Variants in ATP11A observed in about 807,000 individuals in gnomAD.
ATP11A encodes the protein ATPase phospholipid transporting 11A.
ATP11A carries 81 observed loss-of-function variants against 154.4 expected under a neutral mutation model. The ratio of observed to expected loss-of-function variants is 0.52; its 90% CI spans 0.44 to 0.63. ATP11A has a LOEUF of 0.63. ATP11A is among the 30% of genes least tolerant of loss of function. ATP11A has a pLI of 0.00. For missense variants in ATP11A, 1,316 were observed against 1,474.3 expected, an observed-to-expected ratio of 0.89 and a Z score of 1.76; for synonymous variants, 623 against 585.9, an observed-to-expected ratio of 1.06 and a Z score of -0.91.
In ATP11A at chr13:112,862,464, G is replaced by A; in HGVS notation, c.2880G>A (p.Leu960=). 6.2e-7 allele frequency: 1 copy of A among 1,614,060 alleles called. No homozygotes were observed. Among genetic ancestry groups the A allele is most frequent in the South Asian group, 1.1e-5 (1 of 91,068 alleles). ...LYRDVAKNAL[L]RWRVFIYWTL... ...GGGACGTCGCCAAGAATGCCCTGCT[G>A]CGCTGGCGCGTGTTCATCTACTGGA... Residue 960 remains leucine (L), a synonymous_variant, in exon 25 of 30, where the codon CTG becomes CTA. Transcript: ENST00000375645.
At chr13:112,854,174 G>C in intron 18 of ATP11A, 105 bp from the exon 19 acceptor site, 4 of 1,451,352 alleles carry the variant, frequency 2.8e-6, no homozygotes, top group Non-Finnish European at 3.7e-6. Context: ...GATTTTGAGG[G>C]GCTACGATAT....
intron 2 of ATP11A, among the ~76,000 whole-genome samples, chr13:112,796,947 A>G (rs2078014976): frequency 6.6e-6 from 1 of 152,078 alleles, no homozygotes; most frequent in Non-Finnish European, 1.5e-5. Flanking sequence ...AAGAAACAGA[A>G]CAGAACTGTG....
At position 112,883,208 on chromosome 13, in the gene ATP11A, G is replaced by A. The variant is rs1241582130; in HGVS notation, c.*1342G>A. The A allele has an allele frequency of 5.0e-6, 2 of 398,696 alleles. No homozygotes were observed. Among genetic ancestry groups the A allele is most frequent in the Non-Finnish European group, 4.4e-6 (1 of 226,242 alleles). The allele number at this position is 398,696 out of a possible 1,614,324, so 24.7% of individuals were successfully genotyped here. A position where few individuals can be genotyped will look rare whatever the true frequency, so the allele number is the denominator to read the frequency against. ...CCACGCAGGGCTCTCCTTCGTCTTAGGATCTGTCCAGCGCTGCTCTGGGTG... is the reference window on the plus strand; with the variant it reads ...CCACGCAGGGCTCTCCTTCGTCTTAAGATCTGTCCAGCGCTGCTCTGGGTG... On this transcript the variant is annotated 3_prime_UTR_variant, in exon 30 of 30. Coordinates refer to ENST00000375645, the MANE Select transcript of ATP11A (RefSeq NM_015205.3).
chr13:112,714,463 C>T (rs1452025087), intron 1 of ATP11A, among the ~76,000 whole-genome samples: 2 of 152,146 alleles, frequency 1.3e-5, no homozygotes, highest in Non-Finnish European at 2.9e-5. Context: ...CTTCCCCTTC[C>T]CTTTCTCCCT....
chr13:112,724,027 G>A (rs1014820103), intron 1 of ATP11A, among the ~76,000 whole-genome samples: 12 of 151,142 alleles, frequency 7.9e-5, no homozygotes, highest in South Asian at 2.1e-4. Flanking sequence ...GATGAGCATC[G>A]CCCCCTCCAT....
At chr13:112,783,541 G>A (rs373637907) in intron 1 of ATP11A, among the ~76,000 whole-genome samples, 2 of 152,226 alleles carry the variant, frequency 1.3e-5, no homozygotes, top group Non-Finnish European at 2.9e-5. Flanking sequence ...TCAGCCCTTC[G>A]ACGGCAGTGC....
At chr13:112,760,953 C>T (rs888559429) in intron 1 of ATP11A, among the ~76,000 whole-genome samples, 2 of 152,110 alleles carry the variant, frequency 1.3e-5, no homozygotes, top group Non-Finnish European at 2.9e-5. Flanking sequence ...TTGAGATAAC[C>T]GAGGTATGAA....
At chr13:112,801,011 C>T (rs376853313) in intron 2 of ATP11A, among the ~76,000 whole-genome samples, 35 of 152,098 alleles carry the variant, frequency 2.3e-4, no homozygotes, top group East Asian at 1.2e-3. Flanking sequence ...AGAGCATCTC[C>T]GAAAAGCCCT....
chr13:112,799,018 T>A (rs1371537161), intron 2 of ATP11A, among the ~76,000 whole-genome samples: 2 of 152,180 alleles, frequency 1.3e-5, no homozygotes, highest in Non-Finnish European at 2.9e-5. Flanking sequence ...CTATATTAAT[T>A]TCAGACAAAG....
intron 1 of ATP11A, among the ~76,000 whole-genome samples, chr13:112,738,103 G>A (rs2139731122): frequency 6.6e-6 from 1 of 152,270 alleles, no homozygotes; most frequent in East Asian, 1.9e-4. Context: ...TGGGCACAGT[G>A]GCTTATGCCT....
intron 1 of ATP11A, among the ~76,000 whole-genome samples, chr13:112,781,456 C>CT (rs2077497150): frequency 2.0e-5 from 3 of 152,302 alleles, no homozygotes; most frequent in South Asian, 4.1e-4. Flanking sequence ...TCGTTGCTAA[C>CT]TGTACAGAGA....
At chr13:112,860,265 TC>T in intron 23 of ATP11A, 21 bp from the exon 24 acceptor site, 1 of 1,606,916 alleles carries the variant, frequency 6.2e-7, no homozygotes, top group South Asian at 1.1e-5. Flanking sequence ...AGGTGCCACT[TC>T]TTGTGACTTT....
At chr13:112,756,326 AGGGGAAAGTGTTTTTCCT>A (rs1484697741) in intron 1 of ATP11A, among the ~76,000 whole-genome samples, 1 of 152,152 alleles carries the variant, frequency 6.6e-6, no homozygotes, top group Non-Finnish European at 1.5e-5. Flanking sequence ...CCTTCAGGAA[AGGGGAAAGTGTTTTTCCT>A]GGCAGTTCTT....
At chr13:112,767,548 G>C (rs1251979155) in intron 1 of ATP11A, among the ~76,000 whole-genome samples, 1 of 151,626 alleles carries the variant, frequency 6.6e-6, no homozygotes, top group Non-Finnish European at 1.5e-5. Context: ...GGGAGGATGT[G>C]GGGGTGCTGT....
chr13:112,736,758 C>G (rs573942873), intron 1 of ATP11A, among the ~76,000 whole-genome samples: 1 of 152,176 alleles, frequency 6.6e-6, no homozygotes, highest in Non-Finnish European at 1.5e-5. Context: ...AAATATATTA[C>G]TAAACTTACA....
intron 17 of ATP11A, among the ~76,000 whole-genome samples, chr13:112,842,829 G>T (rs2079462552): frequency 6.6e-6 from 1 of 152,240 alleles, no homozygotes; most frequent in Admixed American, 6.5e-5. Flanking sequence ...TCTTAAGCTT[G>T]TATGATAAGG....
intron 1 of ATP11A, among the ~76,000 whole-genome samples, chr13:112,713,711 G>A (rs975504769): frequency 1.3e-5 from 2 of 152,160 alleles, no homozygotes; most frequent in Non-Finnish European, 2.9e-5. Flanking sequence ...CATTCTGGCC[G>A]TTTAATCTTC....
intron 1 of ATP11A, among the ~76,000 whole-genome samples, chr13:112,779,642 A>C (rs886696218): frequency 5.9e-5 from 9 of 152,158 alleles, no homozygotes; most frequent in African/African-American, 1.9e-4. Flanking sequence ...TGCCAGGCGC[A>C]GTGGCTCACG....
intron 6 of ATP11A, among the ~76,000 whole-genome samples, chr13:112,817,434 T>C (rs2078675345): frequency 1.3e-5 from 2 of 152,230 alleles, no homozygotes; most frequent in South Asian, 4.1e-4. Context: ...CCCAGGAGAA[T>C]GAACACGCTA....
Sources: allele counts gnomAD v4.1 joint callset (sites outside exome capture counted in the v4.1 genomes callset), GRCh38; gene constraint gnomAD v4.1.1; transcripts MANE v1.5; gene names NCBI Gene and HGNC (gene_info 2026-07-23, HGNC 2026-07-21).